Variants in VTI1A observed in about 807,000 individuals in gnomAD.
VTI1A encodes vesicle transport through interaction with t-SNAREs 1A.
Under a neutral mutation model 34.9 loss-of-function variants are expected in VTI1A, and 22 were observed. The ratio of observed to expected loss-of-function variants is 0.63; its 90% CI spans 0.45 to 0.90. The LOEUF (loss-of-function observed/expected upper bound fraction) is 0.90, where lower values mean the gene tolerates loss of function less well. Ranked by LOEUF, VTI1A falls within the 40% of genes least tolerant of loss-of-function variation. VTI1A has a pLI of 0.00. For synonymous variants in VTI1A, 87 were observed against 97.3 expected (o/e 0.89, Z 0.62); for missense variants, 268 against 275.6 (o/e 0.97, Z 0.20).
chr10:112,637,889 T>C (rs1590008406), intron 5 of VTI1A, among the ~76,000 whole-genome samples: 2 of 152,272 alleles, frequency 1.3e-5, no homozygotes, highest in African/African-American at 4.8e-5. Flanking sequence ...AAAAATTGTC[T>C]TGTATACAGT....
chr10:112,771,287 G>A (rs1851809477), intron 7 of VTI1A, among the ~76,000 whole-genome samples: 1 of 152,230 alleles, frequency 6.6e-6, no homozygotes, highest in African/African-American at 2.4e-5. Flanking sequence ...CACGCAGTGT[G>A]GAGCCTGGCA....
chr10:112,666,428 G>T (rs1847641785), intron 5 of VTI1A, among the ~76,000 whole-genome samples: 1 of 152,096 alleles, frequency 6.6e-6, no homozygotes, highest in South Asian at 2.1e-4. Context: ...GTTAACACTT[G>T]TCTGTAACTC....
chr10:112,679,427 T>C (rs1848141478), intron 7 of VTI1A, among the ~76,000 whole-genome samples: 1 of 152,216 alleles, frequency 6.6e-6, no homozygotes, highest in East Asian at 1.9e-4. Flanking sequence ...GAGGTTTTCA[T>C]TTTTTATTTA....
chr10:112,636,998 A>G (rs1467568393), intron 5 of VTI1A, among the ~76,000 whole-genome samples: 1 of 152,164 alleles, frequency 6.6e-6, no homozygotes, highest in African/African-American at 2.4e-5. Context: ...TCTAGAACCT[A>G]GAGGCCTCTG....
chr10:112,803,493 G>A (rs1033953707), intron 7 of VTI1A, among the ~76,000 whole-genome samples: 1 of 152,274 alleles, frequency 6.6e-6, no homozygotes, highest in African/African-American at 2.4e-5. Context: ...ATGAGAAAGA[G>A]TGTGATAGTG....
chr10:112,847,359 A>T, the VTI1A span, among the ~76,000 whole-genome samples: 167 of 152,232 alleles, frequency 1.1e-3, no homozygotes, highest in Middle Eastern at 3.4e-3. Context: ...CTTCAAGCAG[A>T]CCGAATTTCC....
chr10:112,681,077 T>TA (rs1216324981), intron 7 of VTI1A, among the ~76,000 whole-genome samples: 3 of 135,394 alleles, frequency 2.2e-5, no homozygotes, highest in Non-Finnish European at 4.6e-5. Flanking sequence ...TTTTTTCTTT[T>TA]CTTTTTTTTT....
At chr10:112,643,544 GTTATATC>G (rs879421395) in intron 5 of VTI1A, among the ~76,000 whole-genome samples, 64 of 151,818 alleles carry the variant, frequency 4.2e-4, no homozygotes, top group African/African-American at 1.3e-3. Context: ...TTTCTCCTTT[GTTATATC>G]TTATGAGTCT....
At chr10:112,831,376 C>T in the VTI1A span, 1 of 152,428 alleles carries the variant, frequency 6.6e-6, no homozygotes, top group Non-Finnish European at 1.5e-5. Context: ...GGCGCTGGGC[C>T]ATCGGCCACA....
At chr10:112,730,965 A>G (rs530573221) in intron 7 of VTI1A, among the ~76,000 whole-genome samples, 12 of 152,300 alleles carry the variant, frequency 7.9e-5, no homozygotes, top group African/African-American at 2.4e-4. Context: ...AAGAAATTAT[A>G]TATAATTAGT....
chr10:112,589,297 T>C (rs1370939193), intron 5 of VTI1A, among the ~76,000 whole-genome samples: 1 of 152,164 alleles, frequency 6.6e-6, no homozygotes, highest in Non-Finnish European at 1.5e-5. Context: ...CATACTGTTC[T>C]CATGGTAGTG....
rs572331672 is a variant in VTI1A at position 112,742,557 on chromosome 10, C to T, written c.561-72733C>T. On this transcript the variant is annotated intron_variant, in intron 7 of 7. Transcript: ENST00000393077. ...TTGAGAAGATGTGTTCCACAAATGT[C>T]TCGAAAGAGTCCAGGAGTGGAGGCT... Among the ~76,000 whole-genome samples the T allele has an allele frequency of 3.9e-5, 6 of 152,150 alleles. No homozygotes were observed. In the South Asian group the frequency reaches 1.2e-3, roughly 32 times the overall value.
At chr10:112,494,981 C>T (rs527435713) in intron 3 of VTI1A, among the ~76,000 whole-genome samples, 117 of 152,120 alleles carry the variant, frequency 7.7e-4, no homozygotes, top group African/African-American at 2.2e-3. Flanking sequence ...AGCTAAGAAT[C>T]GGAGCTTTTT....
rs1299624143 is a variant in VTI1A, at chr10:112,447,284, G to A, written c.-90G>A. 3.5e-6 allele frequency: 5 copies of A among 1,422,590 alleles called. No individual in the cohort carries two copies. The highest frequency in any genetic ancestry group is 2.0e-5 in the Admixed American group (1 of 50,176). 88.1% of individuals were successfully genotyped at this position (1,422,590 alleles called of 1,614,324 possible). A position where few individuals can be genotyped will look rare whatever the true frequency, so the allele number is the denominator to read the frequency against. ...CGTTCTGCTCTCGGGGGCACCTTCC[G>A]GGGTTCCTAAGCCGCGGGGCCCCTC... On this transcript the variant is annotated 5_prime_UTR_variant, in exon 1 of 8. Transcript: ENST00000393077.
intron 5 of VTI1A, among the ~76,000 whole-genome samples, chr10:112,597,993 G>A (rs773449351): frequency 1.3e-5 from 2 of 152,072 alleles, no homozygotes; most frequent in South Asian, 2.1e-4. Flanking sequence ...CACCGCGCCC[G>A]GCCAAGAGAC....
rs532885985 is a variant in VTI1A, at chr10:112,655,185, A to G, written c.428-13033A>G. Among the ~76,000 whole-genome samples, 118 of 152,340 alleles carry G rather than the reference A, an allele frequency of 7.7e-4. 1 individual carries two copies. The highest frequency in any genetic ancestry group is 2.8e-3 in the African/African-American group (115 of 41,578). On this transcript the variant is annotated intron_variant, in intron 5 of 7. Transcript: ENST00000393077. ...ATTAGAAATTGTGGATTCACGGCCC[A>G]GCAATCTGTGTTTTAACAATCTGGC...
chr10:112,562,951 C>T (rs2134336975), intron 5 of VTI1A, among the ~76,000 whole-genome samples: 1 of 152,238 alleles, frequency 6.6e-6, no homozygotes, highest in Middle Eastern at 3.4e-3. Context: ...CCCATATCTA[C>T]CTTCTCCACA....
chr10:112,703,986 T>A (rs1054235118), intron 7 of VTI1A, among the ~76,000 whole-genome samples: 1 of 152,266 alleles, frequency 6.6e-6, no homozygotes, highest in South Asian at 2.1e-4. Context: ...TTTTGATATA[T>A]GCATAGTGTG....
the VTI1A span, chr10:112,825,063 G>C: frequency 6.6e-6 from 1 of 152,214 alleles, no homozygotes; most frequent in South Asian, 2.1e-4. Context: ...CCCCACGCTT[G>C]GGAAATAAGG....
Sources: gnomAD v4.1 joint callset for allele counts (sites outside exome capture counted in the v4.1 genomes callset) on GRCh38, gnomAD v4.1.1 for gene constraint, MANE v1.5 for transcripts, NCBI Gene and HGNC (gene_info 2026-07-23, HGNC 2026-07-21) for gene names.